Variants in COL5A2 observed in about 807,000 individuals in gnomAD.
The protein encoded by COL5A2 is collagen alpha-2(V) chain.
In COL5A2, 23 loss-of-function variants were observed where a neutral mutation model predicts 208.2. That is an observed-to-expected ratio of 0.11 (90% CI 0.08 to 0.16). COL5A2 has a LOEUF of 0.16. COL5A2 is among the 10% of genes least tolerant of loss of function. The probability of loss-of-function intolerance (pLI) is 1.00; values close to 1 mark genes in which losing one functional copy is unlikely to be tolerated. For missense variants in COL5A2, 1,590 were observed against 1,956.4 expected (o/e 0.81, Z 3.53); for synonymous variants, 625 against 628.5 (o/e 0.99, Z 0.08).
the COL5A2 span, among the ~76,000 whole-genome samples, chr2:189,251,947 C>T: frequency 2.1e-4 from 32 of 152,192 alleles, no homozygotes; most frequent in Middle Eastern, 6.8e-3. Context: ...AACAAGTGGG[C>T]GAAGGATATG....
chr2:189,165,950 TTATC>T (rs1243849010), intron 1 of COL5A2, among the ~76,000 whole-genome samples: 6 of 152,216 alleles, frequency 3.9e-5, no homozygotes, highest in South Asian at 2.1e-4. Flanking sequence ...GTTTATTTAT[TTATC>T]TATTTATTTA....
chr2:189,038,888 A>C (rs1301531818), intron 51 of COL5A2, among the ~76,000 whole-genome samples: 1 of 151,910 alleles, frequency 6.6e-6, no homozygotes, highest in Admixed American at 6.6e-5. Flanking sequence ...ACGGGGTTTC[A>C]CCATGTTAGC....
chr2:189,077,200 T>C (rs2105626727), intron 16 of COL5A2, among the ~76,000 whole-genome samples: 1 of 152,252 alleles, frequency 6.6e-6, no homozygotes, highest in Non-Finnish European at 1.5e-5. Flanking sequence ...AGCCTCTAAT[T>C]TGGAAGACAA....
the COL5A2 span, among the ~76,000 whole-genome samples, chr2:189,245,079 G>C: frequency 6.6e-6 from 1 of 152,156 alleles, no homozygotes; most frequent in African/African-American, 2.4e-5. Context: ...CCATGATTCA[G>C]TTACCTCCCA....
rs1447051033 is a variant in COL5A2 at position 189,107,178 on chromosome 2, A to T, written c.323-2901T>A. Among the ~76,000 whole-genome samples, 3 of 151,566 alleles carry T rather than the reference A, an allele frequency of 2.0e-5. No homozygotes were observed. In the East Asian group the frequency reaches 5.8e-4, roughly 29 times the overall value. On this transcript the variant is annotated intron_variant, in intron 2 of 53. Transcript: ENST00000374866. ...CTTTTTAAGACCTTTTAGTTGTTTG[A>T]CACAACTGTGAAAACACCTGGACTT...
chr2:189,255,038 T>C, the COL5A2 span, among the ~76,000 whole-genome samples: 2 of 152,212 alleles, frequency 1.3e-5, no homozygotes, highest in South Asian at 2.1e-4. Context: ...TTATGGCACA[T>C]AGACGGCAAA....
the COL5A2 span, among the ~76,000 whole-genome samples, chr2:189,377,863 C>A: frequency 3.9e-5 from 6 of 152,070 alleles, no homozygotes; most frequent in Non-Finnish European, 8.8e-5. Context: ...TTTCTTCTTG[C>A]GAACCAATTA....
At chr2:189,054,767 A>T (rs1341922817) in intron 35 of COL5A2, among the ~76,000 whole-genome samples, 1 of 146,080 alleles carries the variant, frequency 6.8e-6, no homozygotes, top group Non-Finnish European at 1.5e-5. Context: ...CCATTCACAG[A>T]TGTGATCACA....
intron 1 of COL5A2, among the ~76,000 whole-genome samples, chr2:189,131,619 A>G (rs1231996079): frequency 6.6e-6 from 1 of 152,212 alleles, no homozygotes. Flanking sequence ...CTGGAGCTCA[A>G]TAACAGCTCT....
At chr2:189,174,721 T>C (rs1013341212) in intron 1 of COL5A2, among the ~76,000 whole-genome samples, 2 of 152,208 alleles carry the variant, frequency 1.3e-5, no homozygotes, top group African/African-American at 4.8e-5. Context: ...TACCATTTTT[T>C]ATCAACACTG....
chr2:189,272,187 T>C, the COL5A2 span, among the ~76,000 whole-genome samples: 1 of 152,162 alleles, frequency 6.6e-6, no homozygotes, highest in African/African-American at 2.4e-5. Flanking sequence ...TTATAAATCA[T>C]TCTACGATAA....
At chr2:189,052,319 C>CT in intron 40 of COL5A2, 94 bp from the exon 41 acceptor site, 1 of 1,142,496 alleles carries the variant, frequency 8.8e-7, no homozygotes, top group Admixed American at 1.8e-5. Flanking sequence ...AGACTGAAGC[C>CT]TTTAGATTTC....
the COL5A2 span, among the ~76,000 whole-genome samples, chr2:189,252,504 C>G: frequency 1.3e-5 from 2 of 152,106 alleles, no homozygotes; most frequent in African/African-American, 2.4e-5. Context: ...AGCAAACTAT[C>G]GCAAGGACAA....
At chr2:189,072,168 G>T in intron 17 of COL5A2, 75 bp from the exon 18 acceptor site, 1 of 1,035,468 alleles carries the variant, frequency 9.7e-7, no homozygotes, top group South Asian at 1.4e-5. Flanking sequence ...TTAGAGTTTG[G>T]CGTCATTTTG....
the COL5A2 span, among the ~76,000 whole-genome samples, chr2:189,263,700 T>C: frequency 6.6e-6 from 1 of 152,166 alleles, no homozygotes; most frequent in African/African-American, 2.4e-5. Flanking sequence ...TATTTGTTAC[T>C]ATACCTTTTC....
At chr2:189,045,976 G>C in intron 45 of COL5A2, 69 bp from the exon 46 acceptor site, 3 of 1,348,094 alleles carry the variant, frequency 2.2e-6, no homozygotes, top group Non-Finnish European at 3.2e-6. Context: ...ATATGTTCAT[G>C]TTATTCTTAT....
chr2:189,126,736 C>T (rs573086557), intron 1 of COL5A2, among the ~76,000 whole-genome samples: 2 of 151,910 alleles, frequency 1.3e-5, no homozygotes, highest in Non-Finnish European at 2.9e-5. Context: ...TCCAGTGTGC[C>T]ATGTAGGGGA....
intron 14 of COL5A2, 37 bp downstream of exon 14, chr2:189,079,941 C>G (rs1233877776): frequency 2.5e-6 from 4 of 1,575,812 alleles, no homozygotes; most frequent in Non-Finnish European, 3.5e-6. Flanking sequence ...AACTAAGATG[C>G]CAAAGTGAGG....
chr2:189,193,288 G>C lies in COL5A2; in HGVS notation c.-42+31860C>G, dbSNP rs530465290. ...AACTTGAGCATTGATCTAATAGGAT[G>C]AACTAAAAGAAGAACAAATTTGGAG... On this transcript the variant is annotated intron_variant, in intron 1 of 10. Coordinates refer to the COL5A2 transcript ENST00000649966. Among the ~76,000 whole-genome samples, 371 of 152,176 alleles carry C rather than the reference G, an allele frequency of 2.4e-3. 1 individual carries two copies. Among genetic ancestry groups the C allele is most frequent in the Non-Finnish European group, 4.6e-3 (312 of 68,000 alleles).
Sources: allele counts gnomAD v4.1 joint callset (sites outside exome capture counted in the v4.1 genomes callset), GRCh38; gene constraint gnomAD v4.1.1; transcripts MANE v1.5; gene names NCBI Gene and HGNC (gene_info 2026-07-23, HGNC 2026-07-21).